Variants in BACE2 observed in about 807,000 individuals in gnomAD.
BACE2 encodes beta-secretase 2.
Under a neutral mutation model 46.2 loss-of-function variants are expected in BACE2, and 17 were observed. The observed-to-expected ratio is 0.37, with a 90% CI of 0.25 to 0.55. BACE2 has a LOEUF of 0.55. Among genes scored for constraint, BACE2 ranks in the 20% least tolerant of loss-of-function variants. The probability of loss-of-function intolerance (pLI) is 0.82; values close to 1 mark genes in which losing one functional copy is unlikely to be tolerated. For missense variants in BACE2, 595 were observed against 698.1 expected (o/e 0.85, Z 1.66); for synonymous variants, 277 against 295.9 (o/e 0.94, Z 0.66).
chr21:41,237,844 C>A, intron 3 of BACE2, 115 bp downstream of exon 3: 1 of 787,924 alleles, frequency 1.3e-6, no homozygotes, highest in Non-Finnish European at 2.1e-6. Context: ...GTGAGAACCA[C>A]GTGGTGGAAA....
chr21:41,178,144 T>A (rs181257135), intron 1 of BACE2: 1 of 152,246 alleles, frequency 6.6e-6, no homozygotes, highest in Non-Finnish European at 1.5e-5. Context: ...CATGCCAAGA[T>A]TGAGAAATCC....
chr21:41,183,306 C>T (rs1985216115), intron 1 of BACE2: 1 of 166,914 alleles, frequency 6.0e-6, no homozygotes, highest in African/African-American at 2.4e-5. Context: ...ACAAGATTCT[C>T]TTCAAACTAA....
chr21:41,244,878 TGTGA>T (rs1328337910), intron 5 of BACE2, among the ~76,000 whole-genome samples: 6 of 151,896 alleles, frequency 4.0e-5, no homozygotes, highest in South Asian at 4.2e-4. Context: ...TGTGTGTGTG[TGTGA>T]GTGTGTGTGT....
At chr21:41,260,707 C>T (rs546223954) in intron 8 of BACE2, among the ~76,000 whole-genome samples, 1 of 152,290 alleles carries the variant, frequency 6.6e-6, no homozygotes, top group Admixed American at 6.5e-5. Context: ...GTTTTCATCA[C>T]CTAATCTTGG....
intron 1 of BACE2, among the ~76,000 whole-genome samples, chr21:41,208,034 C>T (rs970905062): frequency 3.3e-5 from 5 of 152,194 alleles, no homozygotes; most frequent in South Asian, 2.1e-4. Flanking sequence ...AAGCTCATAC[C>T]GCTAGGGCCT....
At position 41,246,031 on chromosome 21, in the gene BACE2, G is replaced by A. The variant is rs1987460233; in HGVS notation, c.952G>A (p.Ala318Thr). 1.9e-6 allele frequency: 3 copies of A among 1,609,854 alleles called. No homozygotes were observed. The highest frequency in any genetic ancestry group is 1.1e-5 in the South Asian group (1 of 89,920). ...LLRLPQKVFDAVVEAVARASL... is the reference protein window; with the variant it reads ...LLRLPQKVFDTVVEAVARASL... ...GCGCCTGCCCCAGAAGGTGTTTGAT[G>A]CGGTGGTGGAAGCTGTGGCCCGCGC... The change falls in exon 6 of 9, where the codon GCG becomes ACG. Residue 318 changes from alanine to threonine, a missense_variant. Around this residue, in one of 3 missense-constraint regions of BACE2, gnomAD observed 343 missense variants for 419.4 expected, o/e 0.82. Coordinates refer to ENST00000330333, the MANE Select transcript of BACE2 (RefSeq NM_012105.5).
In BACE2 at chr21:41,243,529, C is replaced by G. The variant is rs760226647; in HGVS notation, c.882+19C>G. The G allele has an allele frequency of 1.3e-6, 2 of 1,594,188 alleles. No individual in the cohort carries two copies. The highest frequency in any genetic ancestry group is 1.7e-6 in the Non-Finnish European group (2 of 1,172,082). On this transcript the variant is annotated intron_variant, in intron 5 of 8. Transcript: ENST00000330333. ...CAGAGAGGTATTTATGCTATGGTCTCTGTTGTGTCTTTCTGTGTATGTCTG... is the reference window on the plus strand; with the variant it reads ...CAGAGAGGTATTTATGCTATGGTCTGTGTTGTGTCTTTCTGTGTATGTCTG...
At chr21:41,268,183 G>C (rs1601323067) in intron 8 of BACE2, among the ~76,000 whole-genome samples, 3 of 152,172 alleles carry the variant, frequency 2.0e-5, no homozygotes, top group Admixed American at 2.0e-4. Context: ...AGACTGACTG[G>C]TAGGGGCTGT....
intron 1 of BACE2, among the ~76,000 whole-genome samples, chr21:41,218,826 C>A (rs1053498296): frequency 7.9e-5 from 12 of 152,036 alleles, no homozygotes; most frequent in African/African-American, 2.9e-4. Context: ...CTTCCCATCA[C>A]TCCCTATCCT....
intron 1 of BACE2, among the ~76,000 whole-genome samples, chr21:41,211,355 C>T (rs541588129): frequency 6.6e-6 from 1 of 152,166 alleles, no homozygotes; most frequent in Non-Finnish European, 1.5e-5. Flanking sequence ...AATCAAGCTC[C>T]TCTTAGCTAA....
chr21:41,279,008 A>G lies in BACE2; in HGVS notation c.*3384A>G, dbSNP rs2123662305. 6.6e-6 allele frequency: 1 copy of G among 151,734 alleles called. No homozygotes were observed. Among genetic ancestry groups the G allele is most frequent in the Non-Finnish European group, 1.5e-5 (1 of 68,016 alleles). The allele number at this position is 151,734 out of a possible 1,614,324, so 9.4% of individuals were successfully genotyped here. On this transcript the variant is annotated 3_prime_UTR_variant, in exon 9 of 9. Transcript: ENST00000330333. ...AAACTGTTTGGAGGAAAAACTTGCC[A>G]GTAAGTTTTTTGGTTGTTGTTTTGT...
At chr21:41,251,516 G>T (rs539071059) in intron 7 of BACE2, among the ~76,000 whole-genome samples, 1 of 152,308 alleles carries the variant, frequency 6.6e-6, no homozygotes, top group Admixed American at 6.5e-5. Context: ...AAGAATAAAA[G>T]TGGGCTGGGT....
intron 7 of BACE2, among the ~76,000 whole-genome samples, chr21:41,255,190 G>A (rs768350116): frequency 2.0e-5 from 3 of 152,232 alleles, no homozygotes; most frequent in Non-Finnish European, 4.4e-5. Flanking sequence ...GGTTTTACAG[G>A]TTACACGGGA....
intron 2 of BACE2, among the ~76,000 whole-genome samples, chr21:41,229,934 G>A (rs913777174): frequency 6.6e-6 from 1 of 152,230 alleles, no homozygotes; most frequent in Non-Finnish European, 1.5e-5. Context: ...TCAAGGTTCT[G>A]ATCTGTTTCT....
chr21:41,198,892 T>C (rs561084797), intron 1 of BACE2, among the ~76,000 whole-genome samples: 5 of 146,474 alleles, frequency 3.4e-5, no homozygotes, highest in Non-Finnish European at 3.0e-5. Context: ...TTTATTATAC[T>C]TTAAGTTCTA....
At chr21:41,275,173 G>A (rs961950934) in intron 8 of BACE2, among the ~76,000 whole-genome samples, 198 bp from the exon 9 acceptor site, 6 of 152,070 alleles carry the variant, frequency 3.9e-5, no homozygotes, top group Admixed American at 2.6e-4. Flanking sequence ...ACATGCCGTC[G>A]TTCCAGTTTG....
In BACE2 at chr21:41,168,279, C is replaced by T; in HGVS notation, c.16C>T (p.Arg6Trp). ...CGCCGTGGGCATGGGCGCACTGGCCCGGGCGCTGCTGCTGCCTCTGCTGGC... is the reference window on the plus strand; with the variant it reads ...CGCCGTGGGCATGGGCGCACTGGCCTGGGCGCTGCTGCTGCCTCTGCTGGC... MGALA[R>W]ALLLPLLAQW... Residue 6 changes from arginine (R) to tryptophan (W), a missense_variant, in exon 1 of 9, where the codon CGG (arginine) becomes TGG (tryptophan). Transcript: ENST00000330333. 1.6e-6 allele frequency: 2 copies of T among 1,234,036 alleles called. No homozygotes were observed. The highest frequency in any genetic ancestry group is 3.5e-5 in the East Asian group (1 of 28,586). 76.4% of individuals were successfully genotyped at this position (1,234,036 alleles called of 1,614,324 possible).
chr21:41,196,882 G>A (rs142851045), intron 1 of BACE2, among the ~76,000 whole-genome samples: 222 of 152,230 alleles, frequency 1.5e-3, no homozygotes, highest in African/African-American at 4.5e-3. Flanking sequence ...GTGCTTCCTC[G>A]AATGTTCTTT....
At chr21:41,267,811 G>C (rs2123645727) in intron 8 of BACE2, among the ~76,000 whole-genome samples, 1 of 152,134 alleles carries the variant, frequency 6.6e-6, no homozygotes, top group South Asian at 2.1e-4. Context: ...TCTGGCTCTG[G>C]GTCCAGAACC....
Sources: allele counts gnomAD v4.1 joint callset (sites outside exome capture counted in the v4.1 genomes callset), GRCh38; gene constraint gnomAD v4.1.1; regional missense constraint gnomAD v4.1.1; transcripts MANE v1.5; gene names NCBI Gene and HGNC (gene_info 2026-07-23, HGNC 2026-07-21).